The following HMCN1 variants were observed in gnomAD, a reference collection of about 807,000 sequenced individuals.
HMCN1 encodes the protein hemicentin 1.
In HMCN1, 321 loss-of-function variants were observed where a neutral mutation model predicts 625.9. The observed-to-expected ratio is 0.51, with a 90% confidence interval of 0.47 to 0.56. HMCN1 has a LOEUF of 0.56. HMCN1 is among the 20% of genes least tolerant of loss of function. The pLI is 0.00. For missense variants in HMCN1, 6,588 were observed against 6,887.3 expected (o/e 0.96, Z 1.54); for synonymous variants, 2,425 against 2,417.6 (o/e 1.00, Z -0.09).
At chr1:185,790,559 A>C (rs1221400345) in intron 1 of HMCN1, among the ~76,000 whole-genome samples, 1 of 152,206 alleles carries the variant, frequency 6.6e-6, no homozygotes, top group Non-Finnish European at 1.5e-5. Context: ...TGAGGCACCA[A>C]AGGAAAAGTG....
chr1:186,047,237 G>T (rs1436606971), intron 41 of HMCN1, among the ~76,000 whole-genome samples: 1 of 152,016 alleles, frequency 6.6e-6, no homozygotes, highest in Non-Finnish European at 1.5e-5. Context: ...AATGAAAGAG[G>T]GATGAGCTAA....
At chr1:185,964,561 T>G (rs1448133986) in intron 13 of HMCN1, among the ~76,000 whole-genome samples, 1 of 152,072 alleles carries the variant, frequency 6.6e-6, no homozygotes, top group African/African-American at 2.4e-5. Flanking sequence ...GAATTGTACT[T>G]GAAGGTATAG....
intron 97 of HMCN1, among the ~76,000 whole-genome samples, chr1:186,159,931 C>G (rs1193576599): frequency 6.6e-6 from 1 of 152,040 alleles, no homozygotes; most frequent in Non-Finnish European, 1.5e-5. Flanking sequence ...TGATGCTGGC[C>G]TCATAAAATG....
chr1:185,806,469 C>T (rs1659175446), intron 1 of HMCN1, among the ~76,000 whole-genome samples: 1 of 150,800 alleles, frequency 6.6e-6, no homozygotes, highest in South Asian at 2.1e-4. Context: ...ATTGCTTGAG[C>T]CCAGGAGGTC....
intron 68 of HMCN1, among the ~76,000 whole-genome samples, chr1:186,096,739 A>G (rs1660156374): frequency 1.3e-5 from 2 of 152,170 alleles, no homozygotes; most frequent in African/African-American, 4.8e-5. Flanking sequence ...GGATGTTTTA[A>G]CATACACAAT....
At chr1:186,120,266 T>A (rs1661340005) in intron 80 of HMCN1, 121 bp downstream of exon 80, 1 of 1,106,000 alleles carries the variant, frequency 9.0e-7, no homozygotes. Flanking sequence ...ATTCTTAGTT[T>A]GCATTATCCT....
intron 12 of HMCN1, 108 bp downstream of exon 12, chr1:185,962,767 A>T (rs1294333848): frequency 1.3e-6 from 1 of 758,468 alleles, no homozygotes; most frequent in Non-Finnish European, 2.4e-6. Context: ...AGGTTTGACC[A>T]CAATACTTAG....
chr1:185,984,384 T>G, intron 19 of HMCN1, 71 bp downstream of exon 19: 1 of 1,402,310 alleles, frequency 7.1e-7, no homozygotes, highest in Non-Finnish European at 1.0e-6. Context: ...TTTAATCAAA[T>G]AACTCTGTTC....
chr1:186,119,120 G>A (rs1048500232), intron 77 of HMCN1, 71 bp from the exon 78 acceptor site: 8 of 1,112,480 alleles, frequency 7.2e-6, no homozygotes, highest in Admixed American at 3.4e-5. Flanking sequence ...ACACACAAAA[G>A]AGAGTCAAAT....
intron 1 of HMCN1, among the ~76,000 whole-genome samples, chr1:185,786,062 A>G (rs954695651): frequency 6.6e-6 from 1 of 152,226 alleles, no homozygotes; most frequent in Admixed American, 6.5e-5. Flanking sequence ...AAAATACTGC[A>G]TGTATATCTC....
In HMCN1 at chr1:186,182,208, G is replaced by A. The variant is rs1156853113; in HGVS notation, c.16335G>A (p.Glu5445=). The change falls in exon 105 of 107, where the codon GAG becomes GAA. Residue 5445 remains glutamate (E), a synonymous_variant. Coordinates refer to ENST00000271588, the MANE Select transcript of HMCN1 (RefSeq NM_031935.3). The part of the protein sequence containing the change: ...ECENTDACQH[E]CKNTFGSYQC... ...AAAATACAGATGCCTGCCAGCATGA[G>A]TGTAAGAATACCTTTGGAAGTTATC... is the stretch of plus-strand genomic sequence containing the variant. The A allele has an allele frequency of 1.2e-6, 2 of 1,613,480 alleles. No homozygotes were observed. Among genetic ancestry groups the A allele is most frequent in the Admixed American group, 3.3e-5 (2 of 59,990 alleles).
At chr1:185,759,740 T>A (rs1655368482) in intron 1 of HMCN1, among the ~76,000 whole-genome samples, 1 of 152,162 alleles carries the variant, frequency 6.6e-6, no homozygotes, top group South Asian at 2.1e-4. Context: ...CAAATAACAT[T>A]GTTTAGTATC....
intron 11 of HMCN1, among the ~76,000 whole-genome samples, chr1:185,944,862 G>A (rs1338661165): frequency 2.6e-5 from 4 of 152,218 alleles, no homozygotes; most frequent in African/African-American, 9.6e-5. Context: ...GAGAAGCAGA[G>A]TGTTTAGGCG....
At position 185,909,413 on chromosome 1, in the gene HMCN1, T is replaced by C. The variant is rs141324048; in HGVS notation, c.698T>C (p.Val233Ala). 109 of 1,613,538 alleles carry C rather than the reference T, an allele frequency of 6.8e-5. No homozygotes were observed. The African/African-American group carries it at 1.3e-3, about 20-fold the overall frequency. ...TCCACAGATCATTTGGAACAGGCTG[T>C]AAATACTTGGAGAATTCCTTTTGAT... ...LLSTDHLEQA[V>A]NTWRIPFDPS... Residue 233 changes from valine (V) to alanine (A), a missense_variant, in exon 5 of 107, where the codon GTA becomes GCA. Val to Ala is a moderately conservative substitution (Grantham distance 64). Coordinates refer to ENST00000271588, the MANE Select transcript of HMCN1 (RefSeq NM_031935.3).
chr1:185,952,815 G>A (rs1228770032), intron 11 of HMCN1, among the ~76,000 whole-genome samples: 5 of 151,622 alleles, frequency 3.3e-5, no homozygotes, highest in African/African-American at 1.2e-4. Context: ...AAAGAGTAGA[G>A]ACACGGAGAA....
At chr1:185,950,102 T>G (rs1252917418) in intron 11 of HMCN1, among the ~76,000 whole-genome samples, 3 of 151,146 alleles carry the variant, frequency 2.0e-5, no homozygotes, top group Admixed American at 6.6e-5. Flanking sequence ...GGAAATGGGG[T>G]GAATGTCAGG....
chr1:185,859,671 A>G (rs752539652), intron 2 of HMCN1, among the ~76,000 whole-genome samples: 1 of 151,692 alleles, frequency 6.6e-6, no homozygotes, highest in Non-Finnish European at 1.5e-5. Flanking sequence ...TATTATTATT[A>G]TTATTATTTT....
chr1:186,014,022 G>A (rs902662478), intron 30 of HMCN1, among the ~76,000 whole-genome samples: 7 of 152,224 alleles, frequency 4.6e-5, no homozygotes, highest in African/African-American at 1.7e-4. Flanking sequence ...GGAAGAAAAA[G>A]AGTAACTTTA....
At position 186,097,333 on chromosome 1, in the gene HMCN1, A is replaced by G. The variant is rs533301516; in HGVS notation, c.10573+1812A>G. 1.4e-4 allele frequency among the ~76,000 whole-genome samples: 22 copies of G among 152,238 alleles called. No homozygotes were observed. In the South Asian group the frequency reaches 3.9e-3, roughly 27 times the overall value. ...CACATCTGTGGATTCAAACAACTGC[A>G]TATCAAAAATATAATATTCATTGGA... On this transcript the variant is annotated intron_variant, in intron 68 of 106. Coordinates refer to ENST00000271588, the MANE Select transcript of HMCN1 (RefSeq NM_031935.3).
Sources: gnomAD v4.1 joint callset for allele counts (sites outside exome capture counted in the v4.1 genomes callset) on GRCh38, gnomAD v4.1.1 for gene constraint, MANE v1.5 for transcripts, NCBI Gene and HGNC (gene_info 2026-07-23, HGNC 2026-07-21) for gene names.